NKD1: variants seen among roughly 807,000 people sequenced by gnomAD.
The protein encoded by NKD1 is NKD inhibitor of Wnt signaling pathway 1.
NKD1 carries 21 observed loss-of-function variants against 56.0 expected under a neutral mutation model. The ratio of observed to expected loss-of-function variants is 0.38; its 90% CI spans 0.27 to 0.54. The LOEUF (loss-of-function observed/expected upper bound fraction) is 0.54. Among genes scored for constraint, NKD1 ranks in the 20% least tolerant of loss-of-function variants. NKD1 has a pLI of 0.82. For synonymous variants in NKD1, 263 were observed against 265.7 expected (o/e 0.99, Z 0.10); for missense variants, 578 against 642.7 (o/e 0.90, Z 1.09).
chr16:50,584,180 G>A (rs1961178550), intron 3 of NKD1, among the ~76,000 whole-genome samples: 1 of 152,240 alleles, frequency 6.6e-6, no homozygotes, highest in African/African-American at 2.4e-5. Flanking sequence ...AGAATTGGCT[G>A]GGACCAGTGG....
At chr16:50,596,475 G>C (rs1189413229) in intron 3 of NKD1, among the ~76,000 whole-genome samples, 1 of 152,234 alleles carries the variant, frequency 6.6e-6, no homozygotes, top group Non-Finnish European at 1.5e-5. Context: ...CCAGCACCGG[G>C]CACCATTTCT....
chr16:50,589,646 C>T (rs367553738), intron 3 of NKD1, among the ~76,000 whole-genome samples: 1 of 152,122 alleles, frequency 6.6e-6, no homozygotes, highest in Non-Finnish European at 1.5e-5. Context: ...ATAAAGGCAG[C>T]GGGCAAATGG....
At chr16:50,627,579 C>T (rs184636300) in intron 6 of NKD1, among the ~76,000 whole-genome samples, 5 of 152,180 alleles carry the variant, frequency 3.3e-5, no homozygotes, top group Admixed American at 3.3e-4. Flanking sequence ...GCTGTAAATA[C>T]AGTTCCCTTC....
At chr16:50,571,132 CAG>C (rs1960874132) in intron 3 of NKD1, among the ~76,000 whole-genome samples, 1 of 152,222 alleles carries the variant, frequency 6.6e-6, no homozygotes, top group South Asian at 2.1e-4. Context: ...CTGCTCAACA[CAG>C]ACAGTTGGAT....
In NKD1 at chr16:50,625,674, A is replaced by G. The variant is rs1396221659; in HGVS notation, c.462+94A>G. 9 of 795,310 alleles carry G rather than the reference A, an allele frequency of 1.1e-5. No individual in the cohort carries two copies. In the East Asian group the frequency reaches 1.9e-4, roughly 16 times the overall value. The allele number at this position is 795,310 out of a possible 1,614,324, so 49.3% of individuals were successfully genotyped here. On this transcript the variant is annotated intron_variant, in intron 6 of 9. Transcript: ENST00000268459. ...TGCCACTGCCACTTCTCTCCCCTGC[A>G]TCGGTCCTGCCCCTCAGGGAAGGCC...
chr16:50,573,103 T>A (rs1231126239), intron 3 of NKD1, among the ~76,000 whole-genome samples: 1 of 152,268 alleles, frequency 6.6e-6, no homozygotes, highest in Non-Finnish European at 1.5e-5. Flanking sequence ...CTGTGTGGCC[T>A]GGAGGTGCTC....
intron 3 of NKD1, among the ~76,000 whole-genome samples, chr16:50,561,724 G>A (rs993937775): frequency 3.3e-5 from 5 of 152,162 alleles, no homozygotes; most frequent in Non-Finnish European, 5.9e-5. Flanking sequence ...TTTAGGCCTG[G>A]AATTAGCAAC....
In NKD1 at chr16:50,630,238, A is replaced by G. The variant is rs190331827; in HGVS notation, c.515A>G (p.Asn172Ser). The G allele has an allele frequency of 2.4e-5, 39 of 1,614,104 alleles. No homozygotes were observed. The highest frequency in any genetic ancestry group is 1.6e-4 in the Middle Eastern group (1 of 6,062). The change falls in exon 7 of 10, where the codon AAC (asparagine) becomes AGC (serine). Residue 172 changes from asparagine to serine, a missense_variant. Asn to Ser is a conservative substitution (Grantham distance 46, BLOSUM62 1). Coordinates refer to ENST00000268459, the MANE Select transcript of NKD1 (RefSeq NM_033119.5). ...TATGAGGTGGTGGACTCCTCTGTCA[A>G]CCACTCCCCAACATCCAGCAAGATG... ...TIYEVVDSSVNHSPTSSKMLR... is the reference protein window; with the variant it reads ...TIYEVVDSSVSHSPTSSKMLR...
chr16:50,583,820 C>T (rs1362838156), intron 3 of NKD1, among the ~76,000 whole-genome samples: 1 of 152,176 alleles, frequency 6.6e-6, no homozygotes, highest in Non-Finnish European at 1.5e-5. Context: ...GTTGTGACTC[C>T]TGATGTGGCT....
At chr16:50,584,545 C>G (rs983923243) in intron 3 of NKD1, among the ~76,000 whole-genome samples, 3 of 152,184 alleles carry the variant, frequency 2.0e-5, no homozygotes, top group African/African-American at 7.2e-5. Context: ...TTAACCTGTG[C>G]CTCAGTTTTC....
rs549792047 is a variant in NKD1, at chr16:50,608,057, C to T, written c.193-237C>T. On this transcript the variant is annotated intron_variant, in intron 3 of 9. Transcript: ENST00000268459. ...GAAATGTGGGAGGCATGATGGAAGA[C>T]CCAGTGGAGCCATAGCCTGTGGTGG... 49 of 526,282 alleles carry T rather than the reference C, an allele frequency of 9.3e-5. No homozygotes were observed. In the East Asian group the frequency reaches 1.5e-3, roughly 16 times the overall value. 32.6% of individuals were successfully genotyped at this position (526,282 alleles called of 1,614,324 possible). A position where few individuals can be genotyped will look rare whatever the true frequency, so the allele number is the denominator to read the frequency against.
chr16:50,588,835 G>A lies in NKD1; in HGVS notation c.193-19459G>A, dbSNP rs150719766. On this transcript the variant is annotated intron_variant, in intron 3 of 9. Transcript: ENST00000268459. ...GCCAGGCTGGTCTCAAACTCCTGAC[G>A]TCAAGGGATCCACCTGCCTCAGCCT... 9.0e-3 allele frequency among the ~76,000 whole-genome samples: 1,365 copies of A among 151,880 alleles called. 25 individuals are homozygous for A. Among genetic ancestry groups the A allele is most frequent in the African/African-American group, 0.031 (1,288 of 41,428 alleles).
chr16:50,567,045 A>C (rs1960775623), intron 3 of NKD1, among the ~76,000 whole-genome samples: 2 of 144,540 alleles, frequency 1.4e-5, no homozygotes, highest in African/African-American at 2.6e-5. Context: ...GCATTACTTC[A>C]CTCCTTTTTC....
At chr16:50,570,748 A>C in intron 3 of NKD1, 1 of 923,614 alleles carries the variant, frequency 1.1e-6, no homozygotes, top group Non-Finnish European at 1.3e-6. Context: ...TGGAGGCAGA[A>C]CGGGGTAGGA....
At chr16:50,613,261 C>G (rs959442882) in intron 4 of NKD1, among the ~76,000 whole-genome samples, 20 of 152,002 alleles carry the variant, frequency 1.3e-4, no homozygotes, top group Admixed American at 6.6e-4. Flanking sequence ...GCTTGGGGTT[C>G]AAGGAGCAGT....
Position 50,633,345 on chromosome 16 carries a change from C to A in NKD1, c.977C>A (p.Ala326Asp), listed in dbSNP as rs1444239232. The change falls in exon 10 of 10, where the codon GCC becomes GAC. Residue 326 changes from alanine (A) to aspartate (D), a missense_variant. Coordinates refer to ENST00000268459, the MANE Select transcript of NKD1 (RefSeq NM_033119.5). The surrounding 1 kb of genome is among the most constrained non-coding windows in gnomAD (Gnocchi z 4.9). ...ASFHFLDTPI[A>D]KVSELQQRLR... is the part of the protein sequence containing the mutation. Reference sequence around the variant, plus strand: ...TTCCACTTCCTTGACACCCCAATCGCCAAGGTCTCAGAGCTCCAGCAACGG... The same window carrying A: ...TTCCACTTCCTTGACACCCCAATCGACAAGGTCTCAGAGCTCCAGCAACGG... 1 of 1,614,040 alleles carries A rather than the reference C, an allele frequency of 6.2e-7. No individual in the cohort carries two copies. The highest frequency in any genetic ancestry group is 8.5e-7 in the Non-Finnish European group (1 of 1,180,016).
intron 3 of NKD1, among the ~76,000 whole-genome samples, chr16:50,577,965 G>A: frequency 6.6e-6 from 1 of 152,152 alleles, no homozygotes; most frequent in Non-Finnish European, 1.5e-5. Context: ...CTTGACCCAT[G>A]TATTCTTCTT....
At position 50,646,990 on chromosome 16, in the gene NKD1, T is replaced by C. The variant is rs1216248579; in HGVS notation, c.*13209T>C. ...GTAACTAGCAGGGACACAGTCAACA[T>C]TCAATATGTGCATGTTGAATGAATG... On this transcript the variant is annotated 3_prime_UTR_variant, in exon 10 of 10. Transcript: ENST00000268459. 6.6e-6 allele frequency: 1 copy of C among 152,248 alleles called. No homozygotes were observed. The highest frequency in any genetic ancestry group is 1.5e-5 in the Non-Finnish European group (1 of 68,042). The allele number at this position is 152,248 out of a possible 1,614,324, so 9.4% of individuals were successfully genotyped here. A position where few individuals can be genotyped will look rare whatever the true frequency, so the allele number is the denominator to read the frequency against.
intron 3 of NKD1, chr16:50,555,688 T>G (rs1393702045): frequency 6.6e-6 from 1 of 152,384 alleles, no homozygotes; most frequent in Non-Finnish European, 1.5e-5. Context: ...GGGTCCCCCA[T>G]GTGGGCTGAG....
Sources: allele counts gnomAD v4.1 joint callset (sites outside exome capture counted in the v4.1 genomes callset), GRCh38; gene constraint gnomAD v4.1.1; non-coding constraint Gnocchi (gnomAD v3.1); transcripts MANE v1.5; gene names NCBI Gene and HGNC (gene_info 2026-07-23, HGNC 2026-07-21).